The following PHACTR3 variants were observed in gnomAD, a reference collection of about 807,000 sequenced individuals.
The protein encoded by PHACTR3 is protein phosphatase 1, regulatory subunit 123.
In PHACTR3, 16 loss-of-function variants were observed where a neutral mutation model predicts 66.8. The observed-to-expected ratio is 0.24, with a 90% CI of 0.16 to 0.36. The LOEUF (loss-of-function observed/expected upper bound fraction) is 0.36. Among genes scored for constraint, PHACTR3 ranks in the 10% least tolerant of loss-of-function variants. PHACTR3 has a pLI of 1.00. For missense variants in PHACTR3, 647 were observed against 719.9 expected (o/e 0.90, Z 1.16); for synonymous variants, 323 against 292.1 (o/e 1.11, Z -1.08).
intron 1 of PHACTR3, among the ~76,000 whole-genome samples, chr20:59,625,058 T>G (rs2034395121): frequency 6.6e-6 from 1 of 152,196 alleles, no homozygotes; most frequent in Non-Finnish European, 1.5e-5. Flanking sequence ...CTTAGTGACC[T>G]TAGCAGTTTT....
At chr20:59,581,198 G>A (rs1349080269) in intron 1 of PHACTR3, among the ~76,000 whole-genome samples, 1 of 152,228 alleles carries the variant, frequency 6.6e-6, no homozygotes, top group Non-Finnish European at 1.5e-5. Context: ...AAAACCTGCC[G>A]TGCATTGCAA....
intron 7 of PHACTR3, among the ~76,000 whole-genome samples, chr20:59,776,751 G>GTGGTTGAGCCAGCAGCA (rs1466155669): frequency 2.6e-5 from 4 of 152,150 alleles, no homozygotes; most frequent in African/African-American, 4.8e-5. Flanking sequence ...CTGTGGCAGC[G>GTGGTTGAGCCAGCAGCA]TGGTTGAGCC....
intron 8 of PHACTR3, among the ~76,000 whole-genome samples, chr20:59,827,160 G>A (rs1194034864): frequency 1.3e-5 from 2 of 152,162 alleles, no homozygotes; most frequent in East Asian, 3.9e-4. Context: ...CGGTGGGGTT[G>A]GGGAAGCCTC....
At chr20:59,608,203 T>C (rs2033728684) in intron 1 of PHACTR3, among the ~76,000 whole-genome samples, 1 of 152,220 alleles carries the variant, frequency 6.6e-6, no homozygotes, top group Non-Finnish European at 1.5e-5. Context: ...GAGTGTCTTT[T>C]TGTGGCCTTA....
chr20:59,817,309 C>T (rs1367622865), intron 8 of PHACTR3, among the ~76,000 whole-genome samples: 1 of 152,238 alleles, frequency 6.6e-6, no homozygotes, highest in Non-Finnish European at 1.5e-5. Flanking sequence ...CTTCTGGCGA[C>T]ACCACTGCCG....
chr20:59,680,140 G>T lies in PHACTR3; in HGVS notation c.119-62967G>T, dbSNP rs1243813074. ...GTCTTCTGGTGACTCTGGGTCAAAG[G>T]ACCCTGGTCCAGAAGGGTTCCGTGT... On this transcript the variant is annotated intron_variant, in intron 1 of 12. Transcript: ENST00000371015. 3.3e-5 allele frequency among the ~76,000 whole-genome samples: 5 copies of T among 152,034 alleles called. No individual in the cohort carries two copies. The East Asian group carries it at 7.7e-4, about 24-fold the overall frequency.
intron 8 of PHACTR3, among the ~76,000 whole-genome samples, chr20:59,824,595 G>T (rs1004067492): frequency 6.6e-6 from 1 of 152,216 alleles, no homozygotes; most frequent in African/African-American, 2.4e-5. Flanking sequence ...TTAAGGCTCT[G>T]CCCTGTGCTT....
At chr20:59,711,889 G>A (rs953452248) in intron 1 of PHACTR3, among the ~76,000 whole-genome samples, 3 of 152,118 alleles carry the variant, frequency 2.0e-5, no homozygotes, top group East Asian at 1.9e-4. Flanking sequence ...TTCTGAAAAC[G>A]ATTGAAAACA....
At chr20:59,809,755 C>T (rs6070956) in intron 8 of PHACTR3, among the ~76,000 whole-genome samples, 78,907 of 151,934 alleles carry the variant, frequency 0.52, 21,979 homozygotes, top group Non-Finnish European at 0.62. Context: ...AGGCTGTCCC[C>T]GCCACCCCTA....
intron 1 of PHACTR3, among the ~76,000 whole-genome samples, chr20:59,682,347 AAAAC>A (rs147445076): frequency 0.1 from 15,666 of 152,170 alleles, 932 homozygotes; most frequent in South Asian, 0.21. Context: ...CTCAAAAACA[AAAAC>A]AAACAAAACA....
intron 1 of PHACTR3, among the ~76,000 whole-genome samples, chr20:59,675,314 C>T (rs1161339011): frequency 6.6e-6 from 1 of 151,920 alleles, no homozygotes; most frequent in African/African-American, 2.4e-5. Flanking sequence ...CCCCATTGTA[C>T]AGGTGGGTAC....
chr20:59,752,419 G>T (rs988825768), intron 3 of PHACTR3, among the ~76,000 whole-genome samples: 1 of 152,184 alleles, frequency 6.6e-6, no homozygotes, highest in African/African-American at 2.4e-5. Context: ...GAGGAGCAGG[G>T]CCTGGGCTCC....
intron 1 of PHACTR3, among the ~76,000 whole-genome samples, chr20:59,708,470 T>G (rs1051018031): frequency 3.3e-5 from 5 of 152,144 alleles, no homozygotes; most frequent in African/African-American, 1.2e-4. Context: ...AGATGCCACT[T>G]GCACTCCTAT....
chr20:59,716,995 T>C (rs2038118714), intron 1 of PHACTR3, among the ~76,000 whole-genome samples: 1 of 152,202 alleles, frequency 6.6e-6, no homozygotes, highest in African/African-American at 2.4e-5. Flanking sequence ...GTAAAATACA[T>C]GAATGAATGA....
At chr20:59,729,548 G>A (rs2038691849) in intron 1 of PHACTR3, among the ~76,000 whole-genome samples, 1 of 152,086 alleles carries the variant, frequency 6.6e-6, no homozygotes, top group Non-Finnish European at 1.5e-5. Context: ...CTGCTAGCCG[G>A]GCTGGCCCTC....
chr20:59,606,303 TCC>T (rs5842274), intron 1 of PHACTR3, among the ~76,000 whole-genome samples: 4,836 of 151,146 alleles, frequency 0.032, 113 homozygotes, highest in Admixed American at 0.046. Context: ...ACTGGATCCC[TCC>T]CCCCCCCATT....
intron 1 of PHACTR3, 44 bp from the exon 2 acceptor site, chr20:59,743,063 G>A: frequency 6.3e-7 from 1 of 1,594,298 alleles, no homozygotes; most frequent in Non-Finnish European, 8.6e-7. Flanking sequence ...GAGTCACATA[G>A]GTTTGGTGGC....
intron 12 of PHACTR3, among the ~76,000 whole-genome samples, chr20:59,845,900 G>A (rs997066483): frequency 2.6e-5 from 4 of 152,128 alleles, no homozygotes; most frequent in Admixed American, 2.6e-4. Flanking sequence ...GATATGCAAG[G>A]GATGACACTG....
intron 1 of PHACTR3, among the ~76,000 whole-genome samples, chr20:59,623,070 C>A (rs570172381): frequency 6.8e-6 from 1 of 146,442 alleles, no homozygotes; most frequent in South Asian, 2.1e-4. Flanking sequence ...AACACTCCCC[C>A]ACCCCTTGGA....
Sources: gnomAD v4.1 joint callset for allele counts (sites outside exome capture counted in the v4.1 genomes callset) on GRCh38, gnomAD v4.1.1 for gene constraint, MANE v1.5 for transcripts, NCBI Gene and HGNC (gene_info 2026-07-23, HGNC 2026-07-21) for gene names.